RSBN1: variants seen among roughly 807,000 people sequenced by gnomAD.
The protein encoded by RSBN1 is lysine-specific demethylase 9.
In RSBN1, 23 loss-of-function variants were observed where a neutral mutation model predicts 74.8. The ratio of observed to expected loss-of-function variants is 0.31; its 90% CI spans 0.22 to 0.44. RSBN1 has a LOEUF of 0.44. RSBN1 is among the 20% of genes least tolerant of loss of function. The pLI is 1.00. For synonymous variants in RSBN1, 407 were observed against 379.6 expected (o/e 1.07, Z -0.84); for missense variants, 808 against 1,020.9 (o/e 0.79, Z 2.84).
At position 113,811,883 on chromosome 1, in the gene RSBN1, G is replaced by A. The variant is rs769877505; in HGVS notation, c.530C>T (p.Thr177Met). The change falls in exon 1 of 7, where the codon ACG (threonine) becomes ATG (methionine). Residue 177 changes from threonine (T) to methionine (M), a missense_variant. This residue lies in a region of RSBN1 where 464 missense variants were observed against 401.0 expected (regional missense o/e 1.16). Transcript: ENST00000261441. ...ATGCTTGGGCCCGGCCGCGCTCACC[G>A]TCAGAGGCGAGAAGGTGAAGAGGGC... Reference protein sequence around the residue: ...TSALFTFSPLTVSAAGPKHKG... With the variant: ...TSALFTFSPLMVSAAGPKHKG... 1.9e-6 allele frequency: 3 copies of A among 1,612,856 alleles called. No homozygotes were observed. Among genetic ancestry groups the A allele is most frequent in the Admixed American group, 1.7e-5 (1 of 59,944 alleles).
chr1:113,777,357 A>G lies in RSBN1; in HGVS notation c.1516-5T>C. ...TGTACCCCAGGGCAAAGTCATCTAG[A>G]AATCAGACGGATTAGTCACATTAAA... On this transcript the variant is annotated splice_region_variant and splice_polypyrimidine_tract_variant and intron_variant, in intron 3 of 6. Coordinates refer to ENST00000261441, the MANE Select transcript of RSBN1 (RefSeq NM_018364.5). 6.2e-7 allele frequency: 1 copy of G among 1,604,118 alleles called. No individual in the cohort carries two copies. Among genetic ancestry groups the G allele is most frequent in the South Asian group, 1.1e-5 (1 of 88,726 alleles).
At chr1:113,773,462 G>A (rs1659919814) in intron 4 of RSBN1, among the ~76,000 whole-genome samples, 1 of 152,132 alleles carries the variant, frequency 6.6e-6, no homozygotes, top group African/African-American at 2.4e-5. Context: ...GGCAGAGGTT[G>A]CAGTGAGCCA....
At chr1:113,785,493 G>A (rs187441170) in intron 2 of RSBN1, among the ~76,000 whole-genome samples, 33 of 152,216 alleles carry the variant, frequency 2.2e-4, no homozygotes, top group Non-Finnish European at 2.9e-4. Flanking sequence ...GTCTGTCATT[G>A]ACTGAAACGT....
Position 113,766,040 on chromosome 1 carries a change from T to G in RSBN1, c.2349A>C (p.Glu783Asp). The change falls in exon 7 of 7, where the codon GAA (glutamate) becomes GAC (aspartate). Residue 783 changes from glutamate to aspartate, a missense_variant. Physicochemically the swap from Glu to Asp is conservative, Grantham distance 45. Around this residue, in one of 6 missense-constraint regions of RSBN1, gnomAD observed 91 missense variants for 99.6 expected, o/e 0.91. Transcript: ENST00000261441. ...GTTGCTGGTCAGAGTCCAGTCTACTTTCCACTTTTAAAACTGGAATAGGCT... is the reference window on the plus strand; with the variant it reads ...GTTGCTGGTCAGAGTCCAGTCTACTGTCCACTTTTAAAACTGGAATAGGCT... ...KTQPIPVLKV[E>D]SRLDSDQQHN... The G allele has an allele frequency of 6.2e-7, 1 of 1,614,084 alleles. No homozygotes were observed. Among genetic ancestry groups the G allele is most frequent in the African/African-American group, 1.3e-5 (1 of 75,056 alleles).
chr1:113,786,591 C>T (rs1660248740), intron 2 of RSBN1, among the ~76,000 whole-genome samples: 2 of 152,162 alleles, frequency 1.3e-5, no homozygotes, highest in Non-Finnish European at 2.9e-5. Flanking sequence ...AAATGTAAGA[C>T]ACAAGAAGCT....
chr1:113,778,457 C>G (rs1660077063), intron 2 of RSBN1, among the ~76,000 whole-genome samples: 1 of 152,050 alleles, frequency 6.6e-6, no homozygotes, highest in South Asian at 2.1e-4. Flanking sequence ...GCCACCATGC[C>G]TGGCTAATTT....
rs182583165 is a variant in RSBN1 at position 113,812,188 on chromosome 1, T to G, written c.225A>C (p.Lys75Asn). Residue 75 changes from lysine (K) to asparagine (N), a missense_variant, in exon 1 of 7, where the codon AAA (lysine) becomes AAC (asparagine). Physicochemically the swap from Lys to Asn is moderately conservative, Grantham distance 94. This residue lies in a region of RSBN1 where 464 missense variants were observed against 401.0 expected (regional missense o/e 1.16). Coordinates refer to ENST00000261441, the MANE Select transcript of RSBN1 (RefSeq NM_018364.5). ...QEEPDKEGKE[K>N]PHAGVSPRGV... ...CCCGCGGGGAGACCCCAGCATGAGG[T>G]TTCTCCTTCCCCTCTTTGTCCGGCT... 3.7e-6 allele frequency: 6 copies of G among 1,606,366 alleles called. No homozygotes were observed. In the East Asian group the frequency reaches 1.3e-4, roughly 36 times the overall value.
Position 113,798,044 on chromosome 1 carries a change from C to T in RSBN1, c.704-8G>A. ...CATTTTCATCTGGTGTTTCTGGCCACAATAATTAAAAAGAAGTTAGTTGCT... is the reference window on the plus strand; with the variant it reads ...CATTTTCATCTGGTGTTTCTGGCCATAATAATTAAAAAGAAGTTAGTTGCT... On this transcript the variant is annotated splice_region_variant and splice_polypyrimidine_tract_variant and intron_variant, in intron 1 of 6. Coordinates refer to ENST00000261441, the MANE Select transcript of RSBN1 (RefSeq NM_018364.5). 1.3e-6 allele frequency: 2 copies of T among 1,585,390 alleles called. No individual in the cohort carries two copies. The highest frequency in any genetic ancestry group is 2.7e-5 in the African/African-American group (2 of 72,850).
chr1:113,791,678 T>G (rs941550255), intron 2 of RSBN1, among the ~76,000 whole-genome samples: 1 of 151,926 alleles, frequency 6.6e-6, no homozygotes, highest in African/African-American at 2.4e-5. Context: ...GAAAAAACAG[T>G]GTGACTGGGT....
chr1:113,789,086 A>T (rs1475785292), intron 2 of RSBN1, among the ~76,000 whole-genome samples: 2 of 152,084 alleles, frequency 1.3e-5, no homozygotes, highest in African/African-American at 4.8e-5. Context: ...GTATGCTAAT[A>T]TTGACTAACA....
At position 113,797,498 on chromosome 1, in the gene RSBN1, T is replaced by C; in HGVS notation, c.1242A>G (p.Ile414Met). Residue 414 changes from isoleucine to methionine, a missense_variant, in exon 2 of 7, where the codon ATA becomes ATG. Physicochemically the swap from Ile to Met is conservative, Grantham distance 10. Transcript: ENST00000261441. ...EKNAAYYALA[I>M]VHGAAAYLPD... ...GGAGATAAGCAGCCGCTCCATGCAC[T>C]ATTGCTAAAGCATAGTAAGCAGCAT... 6.2e-7 allele frequency: 1 copy of C among 1,614,070 alleles called. No homozygotes were observed. The highest frequency in any genetic ancestry group is 8.5e-7 in the Non-Finnish European group (1 of 1,179,980).
chr1:113,790,115 C>T (rs375772292), intron 2 of RSBN1, among the ~76,000 whole-genome samples: 2 of 151,844 alleles, frequency 1.3e-5, no homozygotes, highest in African/African-American at 2.4e-5. Context: ...GGGAAAGACA[C>T]GAAGCAGAAA....
rs1659731116 is a variant in RSBN1, at chr1:113,763,754, A to C, written c.*2226T>G. 1 of 152,684 alleles carries C rather than the reference A, an allele frequency of 6.5e-6. No homozygotes were observed. The highest frequency in any genetic ancestry group is 1.5e-5 in the Non-Finnish European group (1 of 68,016). 9.5% of individuals were successfully genotyped at this position (152,684 alleles called of 1,614,324 possible). A position where few individuals can be genotyped will look rare whatever the true frequency, so the allele number is the denominator to read the frequency against. On this transcript the variant is annotated 3_prime_UTR_variant, in exon 7 of 7. Coordinates refer to ENST00000261441, the MANE Select transcript of RSBN1 (RefSeq NM_018364.5). ...GAGGGTAGAATGTTTTATAAAAGGA[A>C]AATGGGGATTTGCTTTTGATTGTAG...
At chr1:113,780,821 T>C (rs935628105) in intron 2 of RSBN1, among the ~76,000 whole-genome samples, 9 of 152,260 alleles carry the variant, frequency 5.9e-5, no homozygotes, top group Non-Finnish European at 1.2e-4. Context: ...AGCTGCAATG[T>C]ATAAAGCCTA....
intron 1 of RSBN1, among the ~76,000 whole-genome samples, chr1:113,802,647 T>C (rs1289705074): frequency 5.3e-5 from 8 of 152,176 alleles, no homozygotes; most frequent in African/African-American, 1.9e-4. Flanking sequence ...TCTATAACTT[T>C]CTAGTATACT....
chr1:113,777,365 C>T lies in RSBN1; in HGVS notation c.1516-13G>A, dbSNP rs373770752. On this transcript the variant is annotated splice_polypyrimidine_tract_variant and intron_variant, in intron 3 of 6. Coordinates refer to ENST00000261441, the MANE Select transcript of RSBN1 (RefSeq NM_018364.5). ...AGGGCAAAGTCATCTAGAAATCAGA[C>T]GGATTAGTCACATTAAAAAATTGTT... 182 of 1,594,534 alleles carry T rather than the reference C, an allele frequency of 1.1e-4. 1 individual carries two copies. Among genetic ancestry groups the T allele is most frequent in the South Asian group, 4.1e-4 (36 of 87,318 alleles).
chr1:113,811,948 C>T lies in RSBN1; in HGVS notation c.465G>A (p.Gly155=). ...CCGGGAGAGGGGCAGCGACAGCGGG[C>T]CCGGCGGGTGCCAGCGAAGGTGGCG... ...PPPPPSLAPA[G]PAVAAPLPAP... is the part of the protein sequence containing the mutation. The change falls in exon 1 of 7, where the codon GGG becomes GGA. Residue 155 remains glycine (G), a synonymous_variant. Transcript: ENST00000261441. The T allele has an allele frequency of 6.3e-7, 1 of 1,591,464 alleles. No individual in the cohort carries two copies. The highest frequency in any genetic ancestry group is 8.6e-7 in the Non-Finnish European group (1 of 1,168,206).
intron 2 of RSBN1, among the ~76,000 whole-genome samples, chr1:113,785,491 T>C (rs951561070): frequency 3.3e-5 from 5 of 152,220 alleles, no homozygotes; most frequent in African/African-American, 1.2e-4. Flanking sequence ...CAGTCTGTCA[T>C]TGACTGAAAC....
At chr1:113,772,881 G>A (rs886135276) in intron 4 of RSBN1, among the ~76,000 whole-genome samples, 29 of 152,146 alleles carry the variant, frequency 1.9e-4, no homozygotes, top group African/African-American at 6.3e-4. Context: ...CCAATTCCAG[G>A]TGGATTAAAT....
Sources: allele counts gnomAD v4.1 joint callset (sites outside exome capture counted in the v4.1 genomes callset), GRCh38; gene constraint gnomAD v4.1.1; regional missense constraint gnomAD v4.1.1; transcripts MANE v1.5; gene names NCBI Gene and HGNC (gene_info 2026-07-23, HGNC 2026-07-21).